ATG10: variants seen among roughly 807,000 people sequenced by gnomAD.
The protein encoded by ATG10 is ubiquitin-like-conjugating enzyme ATG10.
Under a neutral mutation model 32.1 loss-of-function variants are expected in ATG10, and 30 were observed. That is an observed-to-expected ratio of 0.94 (90% CI 0.70 to 1.27). The LOEUF (loss-of-function observed/expected upper bound fraction) is 1.27, where lower values mean the gene tolerates loss of function less well. ATG10 is among the 50% of genes most tolerant of loss of function. The pLI is 0.00. For synonymous variants in ATG10, 87 were observed against 91.5 expected, an observed-to-expected ratio of 0.95 and a Z score of 0.28; for missense variants, 233 against 262.3, an observed-to-expected ratio of 0.89 and a Z score of 0.77.
chr5:82,016,016 G>C (rs1469974024), intron 2 of ATG10, among the ~76,000 whole-genome samples: 1 of 152,086 alleles, frequency 6.6e-6, no homozygotes, highest in East Asian at 1.9e-4. Context: ...AGATTGTGAA[G>C]ATTTTCTCCC....
At chr5:81,973,203 C>T (rs1485208628) in intron 1 of ATG10, 3 of 152,278 alleles carry the variant, frequency 2.0e-5, no homozygotes, top group African/African-American at 7.2e-5. Flanking sequence ...GATCTCGGCT[C>T]ACTGCAACCT....
intron 2 of ATG10, among the ~76,000 whole-genome samples, chr5:82,021,799 C>T (rs1210848721): frequency 6.0e-5 from 9 of 150,908 alleles, no homozygotes; most frequent in Admixed American, 4.6e-4. Context: ...CCGAGGCGGG[C>T]GGATCACAAG....
chr5:81,994,954 A>G (rs1259651781), intron 2 of ATG10, among the ~76,000 whole-genome samples: 3 of 152,212 alleles, frequency 2.0e-5, no homozygotes, highest in African/African-American at 7.2e-5. Flanking sequence ...TGAGTCCCTA[A>G]CATTCTTTGG....
intron 5 of ATG10, among the ~76,000 whole-genome samples, chr5:82,220,523 A>C (rs1375382261): frequency 1.3e-5 from 2 of 151,840 alleles, no homozygotes; most frequent in African/African-American, 4.8e-5. Flanking sequence ...CGGCCTCCCA[A>C]AGTGCTGGGA....
intron 5 of ATG10, among the ~76,000 whole-genome samples, chr5:82,247,139 C>T (rs977342514): frequency 2.6e-5 from 4 of 152,022 alleles, no homozygotes; most frequent in African/African-American, 9.7e-5. Flanking sequence ...TATATTTCTC[C>T]TTAGAGTTTG....
chr5:82,252,676 A>C lies in ATG10; in HGVS notation c.551+17A>C. The stretch of plus-strand genomic sequence containing the variant: ...AATCAATAAGTAAGAAACACCATCA[A>C]GATACATTGGCTTCTACTCTGATTT... On this transcript the variant is annotated intron_variant, in intron 6 of 7. Coordinates refer to ENST00000282185, the MANE Select transcript of ATG10 (RefSeq NM_031482.5). 1 of 1,429,014 alleles carries C rather than the reference A, an allele frequency of 7.0e-7. No individual in the cohort carries two copies. The highest frequency in any genetic ancestry group is 9.7e-7 in the Non-Finnish European group (1 of 1,026,906). 88.5% of individuals were successfully genotyped at this position (1,429,014 alleles called of 1,614,324 possible). A position where few individuals can be genotyped will look rare whatever the true frequency, so the allele number is the denominator to read the frequency against.
Position 82,212,895 on chromosome 5 carries a change from CTT to C in ATG10, c.453+34310_453+34311del, listed in dbSNP as rs1745545614. Among the ~76,000 whole-genome samples, 3 of 152,132 alleles carry C rather than the reference CTT, an allele frequency of 2.0e-5. No individual in the cohort carries two copies. In the South Asian group the frequency reaches 6.2e-4, roughly 32 times the overall value. ...TATCCAGTTCCATGTTTTTAAATATCTTTAATATACCAGTGACTCTAAAGTTA... is the reference window on the plus strand; with the variant it reads ...TATCCAGTTCCATGTTTTTAAATATCTAATATACCAGTGACTCTAAAGTTA... On this transcript the variant is annotated intron_variant, in intron 5 of 7. Coordinates refer to ENST00000282185, the MANE Select transcript of ATG10 (RefSeq NM_031482.5).
At chr5:81,977,674 C>T (rs953094155) in intron 1 of ATG10, among the ~76,000 whole-genome samples, 5 of 152,186 alleles carry the variant, frequency 3.3e-5, no homozygotes, top group South Asian at 4.1e-4. Context: ...ACTTTGTCTC[C>T]ACCTGGTTGG....
chr5:82,061,979 A>C (rs1763797162), intron 3 of ATG10, among the ~76,000 whole-genome samples: 1 of 151,512 alleles, frequency 6.6e-6, no homozygotes, highest in South Asian at 2.1e-4. Context: ...GCAGGCATGC[A>C]CCACCATGCC....
At chr5:82,246,224 C>T (rs957458689) in intron 5 of ATG10, among the ~76,000 whole-genome samples, 1 of 152,078 alleles carries the variant, frequency 6.6e-6, no homozygotes, top group Non-Finnish European at 1.5e-5. Flanking sequence ...GCGCCTGCCA[C>T]CACACCCAGC....
intron 3 of ATG10, among the ~76,000 whole-genome samples, chr5:82,110,268 A>G (rs1015907123): frequency 2.6e-4 from 39 of 152,278 alleles, no homozygotes; most frequent in Admixed American, 2.3e-3. Flanking sequence ...ATAGGTGTGC[A>G]TGTGTCTTTA....
chr5:82,087,039 G>T (rs1764719607), intron 3 of ATG10, among the ~76,000 whole-genome samples: 1 of 152,074 alleles, frequency 6.6e-6, no homozygotes, highest in Non-Finnish European at 1.5e-5. Flanking sequence ...AGTTCATGTT[G>T]AGTATCCACT....
chr5:82,071,107 C>G (rs1197252253), intron 3 of ATG10, among the ~76,000 whole-genome samples: 1 of 152,082 alleles, frequency 6.6e-6, no homozygotes, highest in Non-Finnish European at 1.5e-5. Context: ...TGAACATCTC[C>G]CCTAACTCAG....
At chr5:82,144,612 G>T (rs1767274774) in intron 3 of ATG10, among the ~76,000 whole-genome samples, 2 of 151,566 alleles carry the variant, frequency 1.3e-5, no homozygotes, top group South Asian at 4.2e-4. Flanking sequence ...AATATTTAGG[G>T]TTTTTCTAAA....
chr5:82,089,117 TGAG>T (rs1159272058), intron 3 of ATG10, among the ~76,000 whole-genome samples: 1 of 152,102 alleles, frequency 6.6e-6, no homozygotes, highest in Non-Finnish European at 1.5e-5. Context: ...TTTGGGAGAC[TGAG>T]GTGTGCAGAT....
At chr5:82,100,383 T>C (rs1391620351) in intron 3 of ATG10, among the ~76,000 whole-genome samples, 2 of 152,078 alleles carry the variant, frequency 1.3e-5, no homozygotes, top group South Asian at 2.1e-4. Flanking sequence ...CCCCACGTTT[T>C]CCCTGCATAC....
intron 3 of ATG10, among the ~76,000 whole-genome samples, chr5:82,110,807 A>T (rs1467189442): frequency 6.6e-6 from 1 of 152,080 alleles, no homozygotes; most frequent in African/African-American, 2.4e-5. Flanking sequence ...TAGTTTAATT[A>T]GATCCCATTT....
chr5:82,132,442 C>A (rs113654433), intron 3 of ATG10, among the ~76,000 whole-genome samples: 24,510 of 127,738 alleles, frequency 0.19, 2,778 homozygotes, highest in Middle Eastern at 0.31. Context: ...GTGTGATGTT[C>A]CCCTCCCTGT....
intron 3 of ATG10, among the ~76,000 whole-genome samples, chr5:82,087,517 C>T (rs528734788): frequency 5.9e-5 from 9 of 152,232 alleles, no homozygotes; most frequent in African/African-American, 1.9e-4. Context: ...TTCTACTTTT[C>T]TGACTGTGTA....
Sources: gnomAD v4.1 joint callset for allele counts (sites outside exome capture counted in the v4.1 genomes callset) on GRCh38, gnomAD v4.1.1 for gene constraint, MANE v1.5 for transcripts, NCBI Gene and HGNC (gene_info 2026-07-23, HGNC 2026-07-21) for gene names.